Variants in CSMD1 observed in about 807,000 individuals in gnomAD.
CSMD1 encodes the protein CUB and sushi domain-containing protein 1.
A neutral mutation model predicts 417.5 loss-of-function variants in CSMD1; 213 were observed. That is an observed-to-expected ratio of 0.51 (90% CI 0.46 to 0.57). The LOEUF is 0.57. Among genes scored for constraint, CSMD1 ranks in the 20% least tolerant of loss-of-function variants. The pLI is 0.00. For synonymous variants in CSMD1, 2,862 were observed against 1,736.8 expected, an observed-to-expected ratio of 1.65 and a Z score of -16.11; for missense variants, 6,923 against 4,529.7, an observed-to-expected ratio of 1.53 and a Z score of -15.17.
chr8:3,212,366 G>T (rs894903202), intron 30 of CSMD1, among the ~76,000 whole-genome samples: 4 of 151,964 alleles, frequency 2.6e-5, no homozygotes, highest in African/African-American at 9.7e-5. Context: ...AAAAAATAAC[G>T]TTCTTCCTCT....
At chr8:3,760,688 G>A (rs748900900) in intron 5 of CSMD1, among the ~76,000 whole-genome samples, 5 of 152,206 alleles carry the variant, frequency 3.3e-5, no homozygotes, top group African/African-American at 4.8e-5. Flanking sequence ...AATGCTAATG[G>A]TTTTGGATAT....
chr8:4,693,956 A>G lies in CSMD1; in HGVS notation c.86-56398T>C, dbSNP rs377674778. ...GTTTCTTTATTGTCCATGTCATCAC[A>G]TACTTCAAATTCAGGGAGACTCTGT... On this transcript the variant is annotated intron_variant, in intron 1 of 69. Transcript: ENST00000635120. Among the ~76,000 whole-genome samples, 10 of 152,342 alleles carry G rather than the reference A, an allele frequency of 6.6e-5. No homozygotes were observed. In the East Asian group the frequency reaches 1.9e-3, roughly 29 times the overall value.
At chr8:4,272,459 T>A (rs1804664347) in intron 3 of CSMD1, among the ~76,000 whole-genome samples, 1 of 152,168 alleles carries the variant, frequency 6.6e-6, no homozygotes, top group Non-Finnish European at 1.5e-5. Flanking sequence ...ACCAGGATTC[T>A]ATGAGTATAT....
At chr8:4,851,696 G>T (rs1202023936) in intron 1 of CSMD1, among the ~76,000 whole-genome samples, 1 of 152,068 alleles carries the variant, frequency 6.6e-6, no homozygotes, top group Non-Finnish European at 1.5e-5. Flanking sequence ...CCATTGTGTG[G>T]CATCGGCAAT....
chr8:4,424,785 G>C (rs1035716585), intron 2 of CSMD1, among the ~76,000 whole-genome samples: 5 of 151,940 alleles, frequency 3.3e-5, no homozygotes, highest in African/African-American at 1.2e-4. Context: ...ATCAATATTC[G>C]GTTGTGTAAT....
intron 1 of CSMD1, among the ~76,000 whole-genome samples, chr8:4,902,444 A>G (rs1563719506): frequency 6.6e-6 from 1 of 150,468 alleles, no homozygotes. Flanking sequence ...GAAAAAAAAA[A>G]AAGAAAGGAA....
intron 41 of CSMD1, among the ~76,000 whole-genome samples, chr8:3,134,517 A>C (rs1288695628): frequency 6.6e-6 from 1 of 152,152 alleles, no homozygotes; most frequent in Non-Finnish European, 1.5e-5. Context: ...AAAACGAAAA[A>C]CTGTGATCGG....
chr8:4,388,387 A>G (rs1481412779), intron 3 of CSMD1, among the ~76,000 whole-genome samples: 1 of 152,050 alleles, frequency 6.6e-6, no homozygotes, highest in Admixed American at 6.5e-5. Flanking sequence ...AAATGCATGA[A>G]TTAATGGCAT....
chr8:4,556,949 G>A (rs750216369), intron 2 of CSMD1, among the ~76,000 whole-genome samples: 1 of 152,122 alleles, frequency 6.6e-6, no homozygotes, highest in Non-Finnish European at 1.5e-5. Context: ...TATTCAACCT[G>A]TATCTGCTTT....
intron 3 of CSMD1, among the ~76,000 whole-genome samples, chr8:4,105,113 C>T (rs1252124810): frequency 6.6e-6 from 1 of 152,144 alleles, no homozygotes; most frequent in African/African-American, 2.4e-5. Flanking sequence ...GTGTCCTTAG[C>T]TCCCTACATG....
At chr8:4,869,010 T>C (rs1042539038) in intron 1 of CSMD1, among the ~76,000 whole-genome samples, 4 of 151,918 alleles carry the variant, frequency 2.6e-5, no homozygotes, top group Admixed American at 2.0e-4. Flanking sequence ...TATATATACA[T>C]TTTATATTTT....
intron 3 of CSMD1, among the ~76,000 whole-genome samples, chr8:4,259,428 G>C (rs565442954): frequency 4.6e-5 from 7 of 151,896 alleles, no homozygotes; most frequent in African/African-American, 1.7e-4. Flanking sequence ...ATTATACCAG[G>C]ACCCATCCCA....
At chr8:3,414,788 C>T (rs1433197654) in intron 12 of CSMD1, among the ~76,000 whole-genome samples, 1 of 152,142 alleles carries the variant, frequency 6.6e-6, no homozygotes, top group African/African-American at 2.4e-5. Context: ...CCTCTTCAGC[C>T]TTCACACCTG....
chr8:3,625,610 T>G (rs1345022222), intron 7 of CSMD1, among the ~76,000 whole-genome samples: 1 of 152,180 alleles, frequency 6.6e-6, no homozygotes, highest in Non-Finnish European at 1.5e-5. Flanking sequence ...AAAATACATT[T>G]CAGCTTCTAA....
At chr8:4,436,091 A>G (rs1008026994) in intron 2 of CSMD1, among the ~76,000 whole-genome samples, 2 of 152,184 alleles carry the variant, frequency 1.3e-5, no homozygotes, top group Non-Finnish European at 1.5e-5. Context: ...AATAAAACCA[A>G]CATGTCCAAC....
intron 7 of CSMD1, among the ~76,000 whole-genome samples, chr8:3,622,026 G>C (rs1039721325): frequency 9.5e-5 from 14 of 147,942 alleles, no homozygotes; most frequent in African/African-American, 3.0e-4. Flanking sequence ...TGTTTGAATA[G>C]GTCTGTATTT....
At chr8:4,279,239 C>G (rs575850546) in intron 3 of CSMD1, among the ~76,000 whole-genome samples, 20 of 152,266 alleles carry the variant, frequency 1.3e-4, no homozygotes, top group African/African-American at 4.8e-4. Context: ...GTCGATGGCA[C>G]AAGTGTGCAA....
chr8:3,188,716 A>C (rs1796238374), intron 35 of CSMD1, among the ~76,000 whole-genome samples, 171 bp downstream of exon 35: 1 of 152,078 alleles, frequency 6.6e-6, no homozygotes, highest in African/African-American at 2.4e-5. Flanking sequence ...TGAAATACTA[A>C]GAAAAGGGAA....
intron 51 of CSMD1, among the ~76,000 whole-genome samples, chr8:3,019,675 G>A (rs74926011): frequency 0.011 from 1,643 of 152,258 alleles, 14 homozygotes; most frequent in Non-Finnish European, 0.018. Context: ...TACACCTGCC[G>A]TCTTAGCACA....
Sources: allele counts gnomAD v4.1 joint callset (sites outside exome capture counted in the v4.1 genomes callset), GRCh38; gene constraint gnomAD v4.1.1; transcripts MANE v1.5; gene names NCBI Gene and HGNC (gene_info 2026-07-23, HGNC 2026-07-21).